Variants in NPAS3 observed in about 807,000 individuals in gnomAD.
NPAS3 encodes the protein neuronal PAS domain protein 3.
In NPAS3, 14 loss-of-function variants were observed where a neutral mutation model predicts 73.1. The ratio of observed to expected loss-of-function variants is 0.19; its 90% CI spans 0.13 to 0.30. NPAS3 has a LOEUF of 0.30. NPAS3 is among the 10% of genes least tolerant of loss of function. The pLI, the probability that NPAS3 is intolerant of heterozygous loss-of-function variation, is 1.00. For missense variants in NPAS3, 1,096 were observed against 1,250.0 expected, an observed-to-expected ratio of 0.88 and a Z score of 1.86; for synonymous variants, 620 against 541.5, an observed-to-expected ratio of 1.14 and a Z score of -2.01.
At chr14:33,218,610 C>A (rs550187584) in intron 3 of NPAS3, among the ~76,000 whole-genome samples, 3 of 152,318 alleles carry the variant, frequency 2.0e-5, no homozygotes, top group African/African-American at 7.2e-5. Flanking sequence ...CATTATACTT[C>A]ATGCTTCTCC....
chr14:33,472,169 T>C (rs1025512474), intron 4 of NPAS3, among the ~76,000 whole-genome samples: 6 of 152,180 alleles, frequency 3.9e-5, no homozygotes, highest in Non-Finnish European at 8.8e-5. Context: ...AAGGTCTCAC[T>C]GTGAAAGTGA....
intron 3 of NPAS3, among the ~76,000 whole-genome samples, chr14:33,357,434 G>A (rs976108803): frequency 1.3e-5 from 2 of 152,198 alleles, no homozygotes; most frequent in South Asian, 2.1e-4. Context: ...TTGGCTCGCA[G>A]GGTTTGTGGT....
rs577719270 is a variant in NPAS3, at chr14:32,945,216, A to T, written c.50+5850A>T. 2.0e-4 allele frequency among the ~76,000 whole-genome samples: 30 copies of T among 152,356 alleles called. No homozygotes were observed. In the South Asian group the frequency reaches 4.3e-3, roughly 22 times the overall value. On this transcript the variant is annotated intron_variant, in intron 1 of 11. Transcript: ENST00000356141. The stretch of plus-strand genomic sequence containing the variant: ...TGAGGATAGTTATTCAACTTGTAAA[A>T]TATTGTAATTAGTGACTACAAAGTG...
intron 3 of NPAS3, among the ~76,000 whole-genome samples, chr14:33,360,309 A>G (rs1050861372): frequency 1.2e-4 from 18 of 150,262 alleles, no homozygotes; most frequent in African/African-American, 3.7e-4. Flanking sequence ...AAGTCGCTTT[A>G]TAACTGTCTC....
chr14:33,458,968 C>T (rs2050136878), intron 4 of NPAS3, among the ~76,000 whole-genome samples: 1 of 152,196 alleles, frequency 6.6e-6, no homozygotes, highest in African/African-American at 2.4e-5. Context: ...AGGGCTACTC[C>T]ATAGAGCAGC....
In NPAS3 at chr14:33,689,514, A is replaced by G. The variant is rs558565945; in HGVS notation, c.733+13129A>G. The stretch of plus-strand genomic sequence containing the variant: ...CATGAACAGCTTAAATTTGGGCTTC[A>G]CTGACACAGTGCTCCAGTTACCTCA... On this transcript the variant is annotated intron_variant, in intron 6 of 11. Coordinates refer to ENST00000356141, the Ensembl canonical transcript of NPAS3. Among the ~76,000 whole-genome samples, 88 of 152,270 alleles carry G rather than the reference A, an allele frequency of 5.8e-4. No homozygotes were observed. In the South Asian group the frequency reaches 0.015, roughly 26 times the overall value.
At chr14:33,033,289 G>A (rs2138359774) in intron 1 of NPAS3, among the ~76,000 whole-genome samples, 1 of 152,186 alleles carries the variant, frequency 6.6e-6, no homozygotes, top group East Asian at 1.9e-4. Context: ...GAACAGCCTG[G>A]CCAACATGGT....
chr14:33,147,730 A>AAAAAATATATATATATATATATATATAT (rs372663411), intron 2 of NPAS3, among the ~76,000 whole-genome samples: 2 of 130,384 alleles, frequency 1.5e-5, no homozygotes, highest in African/African-American at 6.5e-5. Context: ...TAGAATAAAA[A>AAAAAATATATATATATATATATATATAT]ATATATATAT....
chr14:33,676,306 G>A, exon 6 of NPAS3: 1 of 1,613,014 alleles, frequency 6.2e-7, no homozygotes, highest in East Asian at 2.2e-5. Flanking sequence ...CCCCTGGGCG[G>A]GGTCTCCTGT....
At chr14:32,961,616 G>C (rs1044029822) in intron 1 of NPAS3, among the ~76,000 whole-genome samples, 1 of 151,928 alleles carries the variant, frequency 6.6e-6, no homozygotes, top group Non-Finnish European at 1.5e-5. Context: ...TCATCATCAT[G>C]ATCATTGTCA....
intron 4 of NPAS3, among the ~76,000 whole-genome samples, chr14:33,470,090 C>G (rs2050715360): frequency 6.6e-6 from 1 of 152,176 alleles, no homozygotes; most frequent in Admixed American, 6.5e-5. Context: ...CTCCACGTGA[C>G]TATTTGGCCT....
chr14:33,601,661 G>C (rs928551223), intron 5 of NPAS3, among the ~76,000 whole-genome samples: 10 of 152,154 alleles, frequency 6.6e-5, no homozygotes, highest in Non-Finnish European at 1.3e-4. Flanking sequence ...TAAACCAAAG[G>C]CATCTTCTCT....
At chr14:32,989,663 A>G (rs925653048) in intron 1 of NPAS3, among the ~76,000 whole-genome samples, 2 of 122,160 alleles carry the variant, frequency 1.6e-5, no homozygotes, top group African/African-American at 9.3e-5. Flanking sequence ...AACAACAACA[A>G]CAACAACAAA....
chr14:33,295,905 A>C (rs2042278525), intron 3 of NPAS3, among the ~76,000 whole-genome samples: 1 of 152,226 alleles, frequency 6.6e-6, no homozygotes, highest in African/African-American at 2.4e-5. Context: ...TCAGCAAGTT[A>C]AGACTTTAAT....
At chr14:33,238,723 G>A (rs1203738381) in intron 3 of NPAS3, among the ~76,000 whole-genome samples, 1 of 151,940 alleles carries the variant, frequency 6.6e-6, no homozygotes, top group Non-Finnish European at 1.5e-5. Flanking sequence ...TAGTGGGGCA[G>A]TACAATGAGT....
intron 3 of NPAS3, among the ~76,000 whole-genome samples, chr14:33,240,004 AT>A (rs2048165119): frequency 6.6e-6 from 1 of 151,872 alleles, no homozygotes; most frequent in South Asian, 2.1e-4. Flanking sequence ...AAGATGGTTG[AT>A]TGCTTAATGG....
At chr14:33,222,351 C>T (rs1200171167) in intron 3 of NPAS3, among the ~76,000 whole-genome samples, 2 of 152,178 alleles carry the variant, frequency 1.3e-5, no homozygotes, top group Non-Finnish European at 2.9e-5. Context: ...TTTTTACGCC[C>T]TTCCAGTCTC....
At chr14:33,595,512 T>TA (rs1460273144) in intron 5 of NPAS3, among the ~76,000 whole-genome samples, 3 of 152,168 alleles carry the variant, frequency 2.0e-5, no homozygotes, top group Non-Finnish European at 2.9e-5. Context: ...AGTTAAAGTA[T>TA]ATTACATATT....
chr14:33,205,961 C>T (rs979649741), intron 2 of NPAS3, among the ~76,000 whole-genome samples: 1 of 152,052 alleles, frequency 6.6e-6, no homozygotes, highest in Non-Finnish European at 1.5e-5. Flanking sequence ...AATTTGAATT[C>T]CAAAGCAATT....
Sources: gnomAD v4.1 joint callset for allele counts (sites outside exome capture counted in the v4.1 genomes callset) on GRCh38, gnomAD v4.1.1 for gene constraint, MANE v1.5 for transcripts, NCBI Gene and HGNC (gene_info 2026-07-23, HGNC 2026-07-21) for gene names.